UBASH3B: variants seen among roughly 807,000 people sequenced by gnomAD.
The protein encoded by UBASH3B is ubiquitin-associated and SH3 domain-containing protein B.
In UBASH3B, 37 loss-of-function variants were observed where a neutral mutation model predicts 83.4. The observed-to-expected ratio is 0.44, with a 90% CI of 0.34 to 0.58. UBASH3B has a LOEUF of 0.58. Among genes scored for constraint, UBASH3B ranks in the 20% least tolerant of loss-of-function variants. The pLI, the probability that UBASH3B is intolerant of heterozygous loss-of-function variation, is 0.01. For missense variants in UBASH3B, 657 were observed against 827.2 expected (o/e 0.79, Z 2.52); for synonymous variants, 304 against 318.3 (o/e 0.96, Z 0.48).
intron 6 of UBASH3B, among the ~76,000 whole-genome samples, chr11:122,792,024 G>A (rs1434697018): frequency 6.6e-6 from 1 of 152,198 alleles, no homozygotes; most frequent in Non-Finnish European, 1.5e-5. Flanking sequence ...TCCCTCCACT[G>A]TTCTGAGCAA....
chr11:122,660,319 G>A (rs578159578), intron 1 of UBASH3B, among the ~76,000 whole-genome samples: 3 of 152,262 alleles, frequency 2.0e-5, no homozygotes, highest in East Asian at 1.9e-4. Context: ...GGAGGTGTTC[G>A]GGAGGCATCA....
chr11:122,681,901 G>A (rs569553901), intron 1 of UBASH3B, among the ~76,000 whole-genome samples: 12 of 152,280 alleles, frequency 7.9e-5, no homozygotes, highest in Non-Finnish European at 1.2e-4. Flanking sequence ...GCGTGTCTGC[G>A]ATCCACGATG....
At chr11:122,704,007 A>G (rs1864082350) in intron 1 of UBASH3B, among the ~76,000 whole-genome samples, 1 of 152,234 alleles carries the variant, frequency 6.6e-6, no homozygotes, top group African/African-American at 2.4e-5. Context: ...CAAGACCTCA[A>G]CAATGACTCA....
At chr11:122,776,706 G>C (rs914668446) in intron 2 of UBASH3B, among the ~76,000 whole-genome samples, 4 of 152,138 alleles carry the variant, frequency 2.6e-5, no homozygotes, top group Admixed American at 6.5e-5. Context: ...TGAGGGACAG[G>C]CTGGGTTGGT....
intron 1 of UBASH3B, among the ~76,000 whole-genome samples, chr11:122,717,361 C>G (rs930278263): frequency 6.6e-6 from 1 of 152,156 alleles, no homozygotes; most frequent in Non-Finnish European, 1.5e-5. Flanking sequence ...CCCCACAGTC[C>G]GAGGAGATAA....
At chr11:122,721,805 A>G (rs1458812285) in intron 1 of UBASH3B, among the ~76,000 whole-genome samples, 1 of 152,210 alleles carries the variant, frequency 6.6e-6, no homozygotes, top group East Asian at 1.9e-4. Context: ...TTAGTAGCTC[A>G]TTGGCAAATC....
intron 1 of UBASH3B, among the ~76,000 whole-genome samples, chr11:122,742,478 A>C (rs1269732956): frequency 2.6e-5 from 4 of 152,224 alleles, no homozygotes; most frequent in Admixed American, 6.5e-5. Context: ...GGAAAAGGAG[A>C]CCATGGTCTG....
intron 1 of UBASH3B, among the ~76,000 whole-genome samples, chr11:122,717,977 A>T (rs1374567661): frequency 6.7e-6 from 1 of 150,318 alleles, no homozygotes; most frequent in Non-Finnish European, 1.5e-5. Context: ...ACTGGAGTGC[A>T]GTGGCGCCAT....
intron 1 of UBASH3B, among the ~76,000 whole-genome samples, chr11:122,684,157 G>A (rs10892882): frequency 0.7 from 107,090 of 152,108 alleles, 41,087 homozygotes; most frequent in East Asian, 0.92. Flanking sequence ...GTCCTATTAT[G>A]CACATTTACA....
intron 1 of UBASH3B, among the ~76,000 whole-genome samples, chr11:122,730,888 C>A (rs1013602905): frequency 6.6e-6 from 1 of 152,244 alleles, no homozygotes; most frequent in Non-Finnish European, 1.5e-5. Context: ...GGCCACCGCT[C>A]CTGGCCAATA....
intron 4 of UBASH3B, among the ~76,000 whole-genome samples, chr11:122,782,194 T>C (rs2135150135): frequency 6.7e-6 from 1 of 149,904 alleles, no homozygotes; most frequent in Non-Finnish European, 1.5e-5. Context: ...TGAGCTATGA[T>C]CATGCCACTT....
chr11:122,761,203 TAACCC>T (rs778629935), intron 1 of UBASH3B, among the ~76,000 whole-genome samples: 3 of 152,212 alleles, frequency 2.0e-5, no homozygotes, highest in Non-Finnish European at 2.9e-5. Flanking sequence ...CTCATGATAC[TAACCC>T]ATCCTCCTGG....
At chr11:122,680,567 G>A (rs1052216622) in intron 1 of UBASH3B, among the ~76,000 whole-genome samples, 1 of 152,190 alleles carries the variant, frequency 6.6e-6, no homozygotes, top group East Asian at 1.9e-4. Context: ...GGGTTCAAGC[G>A]ATTCTCCTGC....
At chr11:122,808,725 A>C (rs1861384438) in intron 13 of UBASH3B, among the ~76,000 whole-genome samples, 1 of 152,196 alleles carries the variant, frequency 6.6e-6, no homozygotes, top group Non-Finnish European at 1.5e-5. Context: ...ACTTCCCTTC[A>C]GGCAAATTAC....
rs186666536 is a variant in UBASH3B, at chr11:122,713,347, G to A, written c.161+57137G>A. Among the ~76,000 whole-genome samples the A allele has an allele frequency of 3.3e-5, 5 of 152,278 alleles. No individual in the cohort carries two copies. In the South Asian group the frequency reaches 1.0e-3, roughly 32 times the overall value. Reference sequence around the variant, plus strand: ...TTTGGTTTGGGAAGTAAAAAGCCATGTGGTCAGCTGACTCTGCGGCATCAG... The same window carrying A: ...TTTGGTTTGGGAAGTAAAAAGCCATATGGTCAGCTGACTCTGCGGCATCAG... On this transcript the variant is annotated intron_variant, in intron 1 of 13. Transcript: ENST00000284273.
chr11:122,751,033 C>A (rs1004694965), intron 1 of UBASH3B, among the ~76,000 whole-genome samples: 25 of 152,142 alleles, frequency 1.6e-4, no homozygotes, highest in Admixed American at 1.3e-3. Flanking sequence ...CCTGACAAGA[C>A]GGATGTGTAC....
rs538628347 is a variant in UBASH3B, at chr11:122,759,406, G to A, written c.162-16813G>A. Reference sequence around the variant, plus strand: ...AGTTTTTCCACTGACCCGGGTGGTGGTGTGATGGTTTGGGGATGATTCAAG... The same window carrying A: ...AGTTTTTCCACTGACCCGGGTGGTGATGTGATGGTTTGGGGATGATTCAAG... On this transcript the variant is annotated intron_variant, in intron 1 of 13. Coordinates refer to ENST00000284273, the MANE Select transcript of UBASH3B (RefSeq NM_032873.5). The surrounding 1 kb of genome is among the most constrained non-coding windows in gnomAD (Gnocchi z 4.1). Among the ~76,000 whole-genome samples, 2 of 152,290 alleles carry A rather than the reference G, an allele frequency of 1.3e-5. No individual in the cohort carries two copies. The highest frequency in any genetic ancestry group is 4.1e-4 in the South Asian group (2 of 4,826).
At chr11:122,780,671 T>C (rs1860836182) in intron 4 of UBASH3B, among the ~76,000 whole-genome samples, 1 of 152,166 alleles carries the variant, frequency 6.6e-6, no homozygotes, top group Non-Finnish European at 1.5e-5. Context: ...GAAGGAAACT[T>C]GCCCTGGGAC....
chr11:122,758,760 T>A lies in UBASH3B; in HGVS notation c.162-17459T>A, dbSNP rs986958031. Among the ~76,000 whole-genome samples, 4 of 152,198 alleles carry A rather than the reference T, an allele frequency of 2.6e-5. No individual in the cohort carries two copies. Among genetic ancestry groups the A allele is most frequent in the Admixed American group, 6.5e-5 (1 of 15,272 alleles). ...AGCCTAGAAGGACTTAAATCAAGTTTTAACTGATGGCAGGAGCGAAATGCA... is the reference window on the plus strand; with the variant it reads ...AGCCTAGAAGGACTTAAATCAAGTTATAACTGATGGCAGGAGCGAAATGCA... On this transcript the variant is annotated intron_variant, in intron 1 of 13. Coordinates refer to ENST00000284273, the MANE Select transcript of UBASH3B (RefSeq NM_032873.5). This position sits in a 1 kb window ranked among gnomAD's most constrained non-coding sequence, Gnocchi z 4.2.
Sources: allele counts gnomAD v4.1 joint callset (sites outside exome capture counted in the v4.1 genomes callset), GRCh38; gene constraint gnomAD v4.1.1; non-coding constraint Gnocchi (gnomAD v3.1); transcripts MANE v1.5; gene names NCBI Gene and HGNC (gene_info 2026-07-23, HGNC 2026-07-21).